AGBL4: variants seen among roughly 807,000 people sequenced by gnomAD.
AGBL4 encodes the protein AGBL carboxypeptidase 4, also known as cytosolic carboxypeptidase 6.
Under a neutral mutation model 66.4 loss-of-function variants are expected in AGBL4, and 58 were observed. The ratio of observed to expected loss-of-function variants is 0.87; its 90% confidence interval spans 0.71 to 1.09. The LOEUF is 1.09. Ranked by LOEUF, AGBL4 falls within the 50% of genes least tolerant of loss-of-function variation. The pLI is 0.00. For missense variants in AGBL4, 579 were observed against 631.0 expected (o/e 0.92, Z 0.88); for synonymous variants, 234 against 222.9 (o/e 1.05, Z -0.44).
chr1:48,670,545 T>G (rs1646260682), intron 6 of AGBL4, among the ~76,000 whole-genome samples: 2 of 152,160 alleles, frequency 1.3e-5, no homozygotes, highest in Admixed American at 6.5e-5. Context: ...TGTTGTCACC[T>G]TGATGGTCAC....
chr1:48,596,938 C>A (rs1333741053), intron 9 of AGBL4, among the ~76,000 whole-genome samples: 1 of 152,104 alleles, frequency 6.6e-6, no homozygotes, highest in African/African-American at 2.4e-5. Context: ...GGGCCACGGG[C>A]ACTTCACCTC....
chr1:49,640,570 A>G (rs1645760840), intron 3 of AGBL4, among the ~76,000 whole-genome samples: 1 of 152,110 alleles, frequency 6.6e-6, no homozygotes, highest in Non-Finnish European at 1.5e-5. Context: ...GAAACTTAAA[A>G]CAATTGAAAT....
intron 6 of AGBL4, among the ~76,000 whole-genome samples, chr1:48,791,973 T>C (rs1016397814): frequency 1.3e-5 from 2 of 152,200 alleles, no homozygotes; most frequent in South Asian, 2.1e-4. Context: ...ATGGGTGTTA[T>C]GGGTTTCACT....
At chr1:48,568,846 C>G (rs1428968318) in intron 11 of AGBL4, among the ~76,000 whole-genome samples, 1 of 152,086 alleles carries the variant, frequency 6.6e-6, no homozygotes, top group African/African-American at 2.4e-5. Context: ...TTTCAGGGTA[C>G]TCTTATTAAT....
chr1:49,241,185 A>T (rs1449014313), intron 4 of AGBL4, among the ~76,000 whole-genome samples: 4 of 152,072 alleles, frequency 2.6e-5, no homozygotes, highest in African/African-American at 9.7e-5. Context: ...CAGCAGCAAG[A>T]CTGATCTTTC....
chr1:49,211,953 A>C (rs928868876), intron 4 of AGBL4, among the ~76,000 whole-genome samples: 9 of 152,086 alleles, frequency 5.9e-5, no homozygotes, highest in African/African-American at 2.2e-4. Flanking sequence ...TAGAAGCTTT[A>C]CATGTATTAT....
At chr1:49,533,631 T>C (rs777443531) in intron 3 of AGBL4, among the ~76,000 whole-genome samples, 3 of 152,146 alleles carry the variant, frequency 2.0e-5, no homozygotes, top group Non-Finnish European at 4.4e-5. Flanking sequence ...CTGTTAGCTA[T>C]ACTCTACTCT....
intron 2 of AGBL4, among the ~76,000 whole-genome samples, chr1:49,786,669 A>G (rs1644462355): frequency 6.6e-6 from 1 of 152,160 alleles, no homozygotes; most frequent in Non-Finnish European, 1.5e-5. Context: ...TAAATTTTAG[A>G]AACATTTGTC....
intron 3 of AGBL4, among the ~76,000 whole-genome samples, chr1:49,347,426 T>A (rs1454855530): frequency 6.6e-6 from 1 of 151,854 alleles, no homozygotes; most frequent in Non-Finnish European, 1.5e-5. Context: ...TAATTTTTTG[T>A]ATCTTTAGTA....
chr1:48,843,566 A>G (rs1646851323), intron 6 of AGBL4, among the ~76,000 whole-genome samples: 2 of 152,308 alleles, frequency 1.3e-5, no homozygotes, highest in South Asian at 4.1e-4. Context: ...GACATATACA[A>G]TTATATAATA....
At chr1:49,139,414 AT>A (rs1298718338) in intron 4 of AGBL4, among the ~76,000 whole-genome samples, 1 of 152,016 alleles carries the variant, frequency 6.6e-6, no homozygotes, top group Non-Finnish European at 1.5e-5. Flanking sequence ...TTCTCTTACT[AT>A]TTATGAGAGC....
intron 2 of AGBL4, among the ~76,000 whole-genome samples, chr1:49,752,632 T>A (rs2147841187): frequency 6.6e-6 from 1 of 152,178 alleles, no homozygotes; most frequent in Non-Finnish European, 1.5e-5. Context: ...CCTTGTTAAT[T>A]TTCTGTCCCC....
chr1:48,963,921 A>G (rs1658209902), intron 5 of AGBL4, among the ~76,000 whole-genome samples: 3 of 152,230 alleles, frequency 2.0e-5, no homozygotes, highest in African/African-American at 7.2e-5. Context: ...CTCACTGGGT[A>G]TTTACTATGT....
At chr1:49,595,755 G>T (rs1644840406) in intron 3 of AGBL4, among the ~76,000 whole-genome samples, 1 of 152,008 alleles carries the variant, frequency 6.6e-6, no homozygotes, top group Non-Finnish European at 1.5e-5. Flanking sequence ...TTATTTTCAA[G>T]AATAAAACCC....
chr1:49,478,971 T>G (rs1479134254), intron 3 of AGBL4, among the ~76,000 whole-genome samples: 1 of 150,854 alleles, frequency 6.6e-6, no homozygotes, highest in East Asian at 1.9e-4. Context: ...TAACCTTAAA[T>G]CAAAAAACAT....
intron 6 of AGBL4, among the ~76,000 whole-genome samples, chr1:48,715,836 T>C (rs1647041463): frequency 6.6e-6 from 1 of 152,326 alleles, no homozygotes; most frequent in African/African-American, 2.4e-5. Context: ...TTCTGGTCTT[T>C]TGGTTATTAA....
intron 3 of AGBL4, among the ~76,000 whole-genome samples, chr1:49,590,180 C>G (rs1644725407): frequency 6.6e-6 from 1 of 151,916 alleles, no homozygotes; most frequent in African/African-American, 2.4e-5. Flanking sequence ...AAGACGTTGA[C>G]TACAGTAATA....
chr1:49,253,906 T>C (rs1652269902), intron 3 of AGBL4, among the ~76,000 whole-genome samples: 1 of 152,050 alleles, frequency 6.6e-6, no homozygotes, highest in African/African-American at 2.4e-5. Flanking sequence ...ACTGAATTAA[T>C]ATAAAAACCA....
At chr1:48,756,686 G>C (rs1643948469) in intron 6 of AGBL4, among the ~76,000 whole-genome samples, 1 of 152,174 alleles carries the variant, frequency 6.6e-6, no homozygotes, top group African/African-American at 2.4e-5. Flanking sequence ...TATTCTTGCG[G>C]ATTTGTCTTG....
Sources: allele counts gnomAD v4.1 joint callset (sites outside exome capture counted in the v4.1 genomes callset), GRCh38; gene constraint gnomAD v4.1.1; transcripts MANE v1.5; gene names NCBI Gene and HGNC (gene_info 2026-07-23, HGNC 2026-07-21).